Variants in CASD1 observed in about 807,000 individuals in gnomAD.
The protein encoded by CASD1 is CAS1 domain sialic acid O acetyltransferase 1, also known as N-acetylneuraminate (7)9-O-acetyltransferase.
A neutral mutation model predicts 100.0 loss-of-function variants in CASD1; 41 were observed. That is an observed-to-expected ratio of 0.41 (90% CI 0.32 to 0.53). CASD1 has a LOEUF of 0.53. Ranked by LOEUF, CASD1 falls within the 20% of genes least tolerant of loss-of-function variation. The pLI, the probability that CASD1 is intolerant of heterozygous loss-of-function variation, is 0.25. For synonymous variants in CASD1, 321 were observed against 315.6 expected, an observed-to-expected ratio of 1.02 and a Z score of -0.18; for missense variants, 774 against 948.7, an observed-to-expected ratio of 0.82 and a Z score of 2.42.
the CASD1 span, among the ~76,000 whole-genome samples, chr7:94,632,239 C>A: frequency 6.6e-6 from 1 of 151,872 alleles, no homozygotes; most frequent in Non-Finnish European, 1.5e-5. Context: ...GAAATGATTC[C>A]ATTTTCTACA....
At position 94,555,565 on chromosome 7, in the gene CASD1, C is replaced by G. The variant is rs754563005; in HGVS notation, c.2201C>G (p.Pro734Arg). ...ATCTTGGTACTGATACCTGGAAACC[C>G]TATGCTCAACATCATTGTCAGCACT... ...RGILVLIPGN[P>R]MLNIIVSTFI... Residue 734 changes from proline to arginine, a missense_variant, in exon 18 of 18, where the codon CCT (proline) becomes CGT (arginine). Pro to Arg is a moderately radical substitution (Grantham distance 103, BLOSUM62 -2). This residue lies in a region of CASD1 where 175 missense variants were observed against 206.9 expected (regional missense o/e 0.85). Transcript: ENST00000297273. 6.2e-7 allele frequency: 1 copy of G among 1,613,324 alleles called. No homozygotes were observed. Among genetic ancestry groups the G allele is most frequent in the African/African-American group, 1.3e-5 (1 of 74,892 alleles).
At chr7:94,574,786 C>T in the CASD1 span, among the ~76,000 whole-genome samples, 8 of 151,952 alleles carry the variant, frequency 5.3e-5, no homozygotes, top group South Asian at 4.2e-4. Flanking sequence ...CTGGCTAACA[C>T]GGTGAAACCC....
In CASD1 at chr7:94,544,492, T is replaced by C. The variant is rs1454087416; in HGVS notation, c.1438T>C (p.Trp480Arg). ...AGGGTATGGGCATTTCTCATACTTT[T>C]GGATAAAAGGAGATTTTGGAATCTA... is the stretch of plus-strand genomic sequence containing the variant. ...QTGYGHFSYF[W>R]IKGDFGIYRV... The change falls in exon 11 of 18, where the codon TGG becomes CGG. Residue 480 changes from tryptophan (W) to arginine (R), a missense_variant. By Grantham distance (101) the Trp-to-Arg change is moderately radical. Around this residue, in one of 5 missense-constraint regions of CASD1, gnomAD observed 453 missense variants for 532.6 expected, o/e 0.85. Coordinates refer to ENST00000297273, the MANE Select transcript of CASD1 (RefSeq NM_022900.5). The C allele has an allele frequency of 1.9e-6, 3 of 1,613,288 alleles. No homozygotes were observed. Among genetic ancestry groups the C allele is most frequent in the Non-Finnish European group, 2.5e-6 (3 of 1,179,494 alleles).
chr7:94,605,061 T>C, the CASD1 span, among the ~76,000 whole-genome samples: 4 of 151,586 alleles, frequency 2.6e-5, no homozygotes, highest in Non-Finnish European at 5.9e-5. Context: ...CTACTTATAT[T>C]CATTCTTTTT....
the CASD1 span, chr7:94,598,546 A>C: frequency 2.0e-6 from 1 of 500,282 alleles, no homozygotes; most frequent in Admixed American, 3.5e-5. Context: ...TTAAATATTA[A>C]GGTATATGTA....
chr7:94,599,804 C>T, the CASD1 span: 1 of 1,022,030 alleles, frequency 9.8e-7, no homozygotes, highest in East Asian at 2.4e-5. Flanking sequence ...TGGGATCTTG[C>T]ATGATGTGGA....
the CASD1 span, among the ~76,000 whole-genome samples, chr7:94,564,074 G>GAC: frequency 0.44 from 66,268 of 151,830 alleles, 16,865 homozygotes; most frequent in African/African-American, 0.71. Flanking sequence ...ACTATTTTAT[G>GAC]ACACAGCAAA....
At chr7:94,519,680 T>A (rs12704723) in intron 3 of CASD1, among the ~76,000 whole-genome samples, 63,991 of 151,870 alleles carry the variant, frequency 0.42, 14,442 homozygotes, top group South Asian at 0.68. Context: ...ATTAAAAAAA[T>A]TTTTTTAATA....
chr7:94,608,655 C>G, the CASD1 span, among the ~76,000 whole-genome samples: 2 of 152,150 alleles, frequency 1.3e-5, no homozygotes, highest in African/African-American at 4.8e-5. Context: ...AGGACTGACA[C>G]TACCCAACAT....
the CASD1 span, chr7:94,586,698 C>T: frequency 6.6e-5 from 17 of 256,460 alleles, no homozygotes; most frequent in East Asian, 1.8e-4. Context: ...GACAGGGCTT[C>T]GCCATGTCGG....
At chr7:94,512,577 A>G (rs952237683) in intron 1 of CASD1, among the ~76,000 whole-genome samples, 4 of 152,366 alleles carry the variant, frequency 2.6e-5, no homozygotes, top group East Asian at 1.9e-4. Flanking sequence ...ACTGTGTGCT[A>G]ACGTTGAGCA....
At chr7:94,512,107 C>T (rs1490104817) in intron 1 of CASD1, among the ~76,000 whole-genome samples, 3 of 152,186 alleles carry the variant, frequency 2.0e-5, no homozygotes, top group East Asian at 1.9e-4. Context: ...GTGCAATGCC[C>T]TTCACACAAA....
At position 94,555,548 on chromosome 7, in the gene CASD1, A is replaced by G. The variant is rs758927495; in HGVS notation, c.2184A>G (p.Val728=). The change falls in exon 18 of 18, where the codon GTA becomes GTG. Residue 728 remains valine, a synonymous_variant. Transcript: ENST00000297273. Reference sequence around the variant, plus strand: ...CAGCGGACACAAGGGGTATCTTGGTACTGATACCTGGAAACCCTATGCTCA... The same window carrying G: ...CAGCGGACACAAGGGGTATCTTGGTGCTGATACCTGGAAACCCTATGCTCA... The part of the protein sequence containing the change: ...WLAADTRGIL[V]LIPGNPMLNI... 10 of 1,612,954 alleles carry G rather than the reference A, an allele frequency of 6.2e-6. No homozygotes were observed. The Admixed American group carries it at 1.5e-4, about 24-fold the overall frequency.
rs1416744433 is a variant in CASD1 at position 94,509,953 on chromosome 7, G to A, written c.-132G>A. On this transcript the variant is annotated 5_prime_UTR_variant, in exon 1 of 18. Coordinates refer to ENST00000297273, the MANE Select transcript of CASD1 (RefSeq NM_022900.5). ...GGCCGCGGGGTCAGGTTCCCCGGCG[G>A]GAGGCGCAGGTGGCGGCCTGGGGAG... The A allele has an allele frequency of 1.7e-6, 2 of 1,202,428 alleles. No individual in the cohort carries two copies. Among genetic ancestry groups the A allele is most frequent in the East Asian group, 7.2e-5 (2 of 27,908 alleles). 74.5% of individuals were successfully genotyped at this position (1,202,428 alleles called of 1,614,324 possible).
chr7:94,512,425 A>G (rs1584367954), intron 1 of CASD1, among the ~76,000 whole-genome samples: 1 of 152,314 alleles, frequency 6.6e-6, no homozygotes, highest in Non-Finnish European at 1.5e-5. Flanking sequence ...GTGTATTTGG[A>G]TTTTGAATGT....
intron 11 of CASD1, among the ~76,000 whole-genome samples, chr7:94,544,909 C>T (rs1584423507): frequency 6.6e-6 from 1 of 152,034 alleles, no homozygotes; most frequent in East Asian, 1.9e-4. Context: ...TTCATTTACT[C>T]CCACGTTACA....
At chr7:94,568,766 G>A in the CASD1 span, among the ~76,000 whole-genome samples, 1 of 152,164 alleles carries the variant, frequency 6.6e-6, no homozygotes, top group Non-Finnish European at 1.5e-5. Context: ...TGGGATTATT[G>A]CCCTTATAAA....
chr7:94,530,316 A>G (rs1472705644), intron 5 of CASD1, among the ~76,000 whole-genome samples: 1 of 152,168 alleles, frequency 6.6e-6, no homozygotes, highest in African/African-American at 2.4e-5. Context: ...ACTCTCCAGC[A>G]GTTTTAGTGG....
chr7:94,549,956 C>G (rs566276575), intron 14 of CASD1, among the ~76,000 whole-genome samples: 119 of 152,042 alleles, frequency 7.8e-4, no homozygotes, highest in South Asian at 1.5e-3. Flanking sequence ...TATTGAGTTT[C>G]AATATGTGCC....
Sources: allele counts gnomAD v4.1 joint callset (sites outside exome capture counted in the v4.1 genomes callset), GRCh38; gene constraint gnomAD v4.1.1; regional missense constraint gnomAD v4.1.1; transcripts MANE v1.5; gene names NCBI Gene and HGNC (gene_info 2026-07-23, HGNC 2026-07-21).